SMYD3: variants seen among roughly 807,000 people sequenced by gnomAD.
The protein encoded by SMYD3 is histone-lysine N-methyltransferase SMYD3.
A neutral mutation model predicts 57.7 loss-of-function variants in SMYD3; 36 were observed. That is an observed-to-expected ratio of 0.62 (90% CI 0.48 to 0.82). The LOEUF (loss-of-function observed/expected upper bound fraction) is 0.82. SMYD3 is among the 40% of genes least tolerant of loss of function. SMYD3 has a pLI of 0.00. For synonymous variants in SMYD3, 211 were observed against 195.0 expected, an observed-to-expected ratio of 1.08 and a Z score of -0.68; for missense variants, 515 against 538.8, an observed-to-expected ratio of 0.96 and a Z score of 0.44.
intron 5 of SMYD3, among the ~76,000 whole-genome samples, chr1:246,009,900 C>T (rs1394721730): frequency 2.3e-5 from 2 of 86,468 alleles, no homozygotes; most frequent in East Asian, 3.3e-4. Flanking sequence ...ACCTCCGCTT[C>T]GTGTCGTGAG....
intron 5 of SMYD3, among the ~76,000 whole-genome samples, chr1:246,277,104 A>G (rs2064349591): frequency 6.6e-6 from 1 of 152,252 alleles, no homozygotes; most frequent in Admixed American, 6.5e-5. Context: ...TGTTTACTAC[A>G]TTAATATGTG....
At chr1:246,267,195 C>G (rs1260538375) in intron 5 of SMYD3, among the ~76,000 whole-genome samples, 3 of 151,962 alleles carry the variant, frequency 2.0e-5, no homozygotes, top group Non-Finnish European at 4.4e-5. Flanking sequence ...TAAGAGATAA[C>G]GGAATACATA....
chr1:246,179,439 A>C (rs2062495186), intron 5 of SMYD3, among the ~76,000 whole-genome samples: 1 of 152,234 alleles, frequency 6.6e-6, no homozygotes, highest in South Asian at 2.1e-4. Context: ...AAATATTGCC[A>C]CCACTGAATT....
intron 11 of SMYD3, among the ~76,000 whole-genome samples, chr1:245,751,608 A>AAAAGAGAG (rs1390918915): frequency 8.3e-6 from 1 of 120,770 alleles, no homozygotes; most frequent in Non-Finnish European, 1.9e-5. Context: ...GAGAGAGAGA[A>AAAAGAGAG]AGAGAGAGAG....
intron 1 of SMYD3, among the ~76,000 whole-genome samples, chr1:246,480,266 T>C (rs1004079465): frequency 5.3e-5 from 8 of 152,202 alleles, no homozygotes; most frequent in Non-Finnish European, 1.2e-4. Context: ...TCCCAAAGCG[T>C]TGGGATTACA....
chr1:245,905,940 T>C (rs1024057293), intron 8 of SMYD3, among the ~76,000 whole-genome samples: 4 of 152,160 alleles, frequency 2.6e-5, no homozygotes, highest in Non-Finnish European at 5.9e-5. Flanking sequence ...TGGATAGCCA[T>C]ATGCAAAAGA....
At chr1:246,347,161 CAG>C (rs985501160) in intron 2 of SMYD3, among the ~76,000 whole-genome samples, 20 of 150,370 alleles carry the variant, frequency 1.3e-4, no homozygotes, top group African/African-American at 4.6e-4. Context: ...AAAAAAAAAA[CAG>C]AATATCCAAG....
chr1:246,502,520 C>T (rs2068472660), intron 1 of SMYD3, among the ~76,000 whole-genome samples: 1 of 152,152 alleles, frequency 6.6e-6, no homozygotes, highest in Admixed American at 6.6e-5. Flanking sequence ...TGAATATCTA[C>T]TCTAATAAAT....
At chr1:245,953,268 A>T (rs1014930579) in intron 5 of SMYD3, 8 of 1,000,046 alleles carry the variant, frequency 8.0e-6, no homozygotes, top group East Asian at 1.1e-4. Context: ...AATTTGCTAC[A>T]TTGGGAAACT....
chr1:246,221,039 G>C (rs955883661), intron 5 of SMYD3, among the ~76,000 whole-genome samples: 16 of 151,982 alleles, frequency 1.1e-4, no homozygotes, highest in African/African-American at 3.9e-4. Context: ...TCTCTGCCTA[G>C]AGCTGCAGAT....
At position 245,797,609 on chromosome 1, in the gene SMYD3, G is replaced by A. The variant is rs990650633; in HGVS notation, c.1077-33460C>T. The stretch of plus-strand genomic sequence containing the variant: ...TTAATGGGTGCAGCACACCAACATG[G>A]CACATGTATACATATGTAACAAACC... On this transcript the variant is annotated intron_variant, in intron 10 of 11. Coordinates refer to ENST00000490107, the MANE Select transcript of SMYD3 (RefSeq NM_001167740.2). 4.0e-5 allele frequency among the ~76,000 whole-genome samples: 6 copies of A among 151,648 alleles called. No homozygotes were observed. The South Asian group carries it at 1.0e-3, about 26-fold the overall frequency.
At chr1:246,185,525 G>A (rs1432936858) in intron 5 of SMYD3, among the ~76,000 whole-genome samples, 2 of 141,618 alleles carry the variant, frequency 1.4e-5, no homozygotes, top group South Asian at 2.3e-4. Flanking sequence ...GCAGTGGCGC[G>A]ATCTCGGCTC....
At chr1:246,414,511 G>C (rs185726525) in intron 1 of SMYD3, among the ~76,000 whole-genome samples, 3 of 152,146 alleles carry the variant, frequency 2.0e-5, no homozygotes, top group African/African-American at 7.2e-5. Context: ...GATTTAGAAT[G>C]CATGGTGTCA....
At chr1:246,235,582 C>T (rs1046842561) in intron 5 of SMYD3, among the ~76,000 whole-genome samples, 2 of 151,320 alleles carry the variant, frequency 1.3e-5, no homozygotes, top group African/African-American at 4.8e-5. Flanking sequence ...TGAGCCACCT[C>T]CAGCTCACAG....
At chr1:246,004,812 G>A (rs1448051623) in intron 5 of SMYD3, among the ~76,000 whole-genome samples, 1 of 152,122 alleles carries the variant, frequency 6.6e-6, no homozygotes, top group Non-Finnish European at 1.5e-5. Context: ...AGGCCTATAT[G>A]CTACAGACAC....
chr1:245,984,426 C>T (rs751722793), intron 5 of SMYD3, among the ~76,000 whole-genome samples: 1 of 152,182 alleles, frequency 6.6e-6, no homozygotes, highest in Non-Finnish European at 1.5e-5. Flanking sequence ...TGCCTGCGCC[C>T]GCAGAAGCAC....
intron 1 of SMYD3, among the ~76,000 whole-genome samples, chr1:246,444,753 TA>T (rs1403818060): frequency 6.6e-6 from 1 of 152,094 alleles, no homozygotes; most frequent in Non-Finnish European, 1.5e-5. Flanking sequence ...ACAACTAATC[TA>T]AAAAACAGCT....
chr1:246,049,031 A>C (rs1473331306), intron 5 of SMYD3, among the ~76,000 whole-genome samples: 2 of 152,100 alleles, frequency 1.3e-5, no homozygotes, highest in African/African-American at 4.8e-5. Flanking sequence ...GTAAAAGGAG[A>C]CCATAGCAGG....
intron 1 of SMYD3, among the ~76,000 whole-genome samples, chr1:246,428,584 G>A (rs977790196): frequency 1.2e-4 from 18 of 152,336 alleles, no homozygotes; most frequent in African/African-American, 4.1e-4. Context: ...AAGGTACAGA[G>A]AGCATCTATT....
Sources: gnomAD v4.1 joint callset for allele counts (sites outside exome capture counted in the v4.1 genomes callset) on GRCh38, gnomAD v4.1.1 for gene constraint, MANE v1.5 for transcripts, NCBI Gene and HGNC (gene_info 2026-07-23, HGNC 2026-07-21) for gene names.